Variants in RANBP17 observed in about 807,000 individuals in gnomAD.
RANBP17 encodes RAN binding protein 17.
A neutral mutation model predicts 141.2 loss-of-function variants in RANBP17; 158 were observed. The ratio of observed to expected loss-of-function variants is 1.12; its 90% CI spans 0.98 to 1.28. The LOEUF (loss-of-function observed/expected upper bound fraction) is 1.28, where lower values mean the gene tolerates loss of function less well. Among genes scored for constraint, RANBP17 ranks in the 50% most tolerant of loss-of-function variants. RANBP17 has a pLI of 0.00. For synonymous variants in RANBP17, 430 were observed against 450.0 expected (o/e 0.96, Z 0.56); for missense variants, 1,438 against 1,290.7 (o/e 1.11, Z -1.75).
chr5:171,053,673 T>G (rs1021312420), intron 14 of RANBP17, among the ~76,000 whole-genome samples: 2 of 151,412 alleles, frequency 1.3e-5, no homozygotes, highest in African/African-American at 4.8e-5. Flanking sequence ...AAAGAGGTAG[T>G]TTTGTTTTTT....
At chr5:171,137,970 T>TATATATAC (rs1554103891) in intron 14 of RANBP17, among the ~76,000 whole-genome samples, 1 of 148,216 alleles carries the variant, frequency 6.7e-6, no homozygotes, top group African/African-American at 2.5e-5. Flanking sequence ...TATATATATA[T>TATATATAC]ACACACACAC....
chr5:171,191,327 C>T (rs1400841336), intron 18 of RANBP17, among the ~76,000 whole-genome samples: 1 of 145,372 alleles, frequency 6.9e-6, no homozygotes, highest in Non-Finnish European at 1.5e-5. Context: ...CTTTCATAGG[C>T]ATTTATCCTT....
chr5:171,231,641 T>C (rs994698084), intron 22 of RANBP17, among the ~76,000 whole-genome samples: 2 of 152,208 alleles, frequency 1.3e-5, no homozygotes, highest in South Asian at 2.1e-4. Context: ...TGAAATTCCT[T>C]TCAACAAATA....
chr5:171,193,792 T>C (rs1761803839), intron 18 of RANBP17, among the ~76,000 whole-genome samples: 1 of 152,250 alleles, frequency 6.6e-6, no homozygotes, highest in African/African-American at 2.4e-5. Flanking sequence ...ACCCTTGTGA[T>C]TACATTGGAC....
chr5:170,880,470 G>A (rs1029139044), intron 2 of RANBP17, among the ~76,000 whole-genome samples: 22 of 152,194 alleles, frequency 1.4e-4, no homozygotes, highest in African/African-American at 3.1e-4. Context: ...ACTCATCATC[G>A]GTAAATGGCT....
chr5:170,871,230 G>A (rs1354025228), intron 1 of RANBP17, among the ~76,000 whole-genome samples: 4 of 152,046 alleles, frequency 2.6e-5, no homozygotes, highest in East Asian at 1.9e-4. Flanking sequence ...TGTATTTTTA[G>A]TAGAGACAGG....
chr5:171,257,324 G>GA (rs1235346491), intron 24 of RANBP17, among the ~76,000 whole-genome samples: 1 of 152,178 alleles, frequency 6.6e-6, no homozygotes, highest in Non-Finnish European at 1.5e-5. Flanking sequence ...ATCGTCATCT[G>GA]AATAGATGCA....
intron 12 of RANBP17, among the ~76,000 whole-genome samples, chr5:170,953,314 C>T (rs1342005361): frequency 5.9e-5 from 9 of 151,964 alleles, no homozygotes. Flanking sequence ...AAATGAAAAC[C>T]CTAAGACTTA....
intron 14 of RANBP17, among the ~76,000 whole-genome samples, chr5:171,047,770 A>AT (rs1782690644): frequency 6.6e-6 from 1 of 152,014 alleles, no homozygotes; most frequent in African/African-American, 2.4e-5. Context: ...TTATATATAG[A>AT]TTTTGACTAC....
At chr5:171,277,669 T>TATATATATA (rs1767604663) in intron 25 of RANBP17, among the ~76,000 whole-genome samples, 3 of 31,072 alleles carry the variant, frequency 9.7e-5, no homozygotes, top group East Asian at 1.3e-3. Context: ...ATATATATAT[T>TATATATATA]TATGTCTTAC....
intron 13 of RANBP17, among the ~76,000 whole-genome samples, chr5:170,957,258 C>G (rs1192359815): frequency 1.3e-5 from 2 of 151,600 alleles, no homozygotes; most frequent in African/African-American, 4.9e-5. Flanking sequence ...CCTGCATTCC[C>G]TGGAAAACAG....
intron 18 of RANBP17, among the ~76,000 whole-genome samples, chr5:171,195,435 G>T (rs1761919301): frequency 6.6e-6 from 1 of 152,184 alleles, no homozygotes. Flanking sequence ...CAGTTCTCCA[G>T]CTTTGGTGGC....
intron 14 of RANBP17, among the ~76,000 whole-genome samples, chr5:171,060,962 G>C (rs1375084895): frequency 1.7e-5 from 2 of 114,772 alleles, no homozygotes; most frequent in African/African-American, 3.1e-5. Context: ...GAGGTGTTTA[G>C]TATTCTCTGA....
intron 7 of RANBP17, 112 bp downstream of exon 7, chr5:170,911,246 A>C: frequency 1.1e-6 from 1 of 914,072 alleles, no homozygotes; most frequent in Non-Finnish European, 1.7e-6. Context: ...AATAGCTCAA[A>C]TGGATTTGTA....
chr5:171,078,223 C>T lies in RANBP17; in HGVS notation c.1711-91907C>T, dbSNP rs957119092. Among the ~76,000 whole-genome samples the T allele has an allele frequency of 7.3e-5, 11 of 151,564 alleles. No individual in the cohort carries two copies. In the South Asian group the frequency reaches 1.7e-3, roughly 23 times the overall value. ...ATCTGGTTCACTGCAACCTCTGCCT[C>T]CTGGGTTCAAGTGATTTTCGAGTCT... is the stretch of plus-strand genomic sequence containing the variant. On this transcript the variant is annotated intron_variant, in intron 14 of 27. Transcript: ENST00000523189.
chr5:171,258,151 AC>A (rs1766043011), intron 24 of RANBP17, among the ~76,000 whole-genome samples: 5 of 150,744 alleles, frequency 3.3e-5, no homozygotes, highest in Admixed American at 6.6e-5. Context: ...ACACACACAC[AC>A]ACACACACCC....
chr5:171,217,790 CTTT>C (rs1763304608), intron 21 of RANBP17, among the ~76,000 whole-genome samples: 1 of 151,356 alleles, frequency 6.6e-6, no homozygotes, highest in Non-Finnish European at 1.5e-5. Context: ...GATTCTTCTT[CTTT>C]ATTAGTCTAG....
intron 14 of RANBP17, among the ~76,000 whole-genome samples, chr5:171,114,884 C>CA (rs1275449224): frequency 6.6e-6 from 1 of 151,786 alleles, no homozygotes; most frequent in African/African-American, 2.4e-5. Flanking sequence ...GAAGCCAAGG[C>CA]AGGAGGATCA....
At chr5:171,171,104 T>C in intron 15 of RANBP17, 102 bp from the exon 16 acceptor site, 1 of 618,628 alleles carries the variant, frequency 1.6e-6, no homozygotes, top group East Asian at 2.9e-5. Flanking sequence ...AAAATATTTG[T>C]GATTTAGGTC....
Sources: gnomAD v4.1 joint callset for allele counts (sites outside exome capture counted in the v4.1 genomes callset) on GRCh38, gnomAD v4.1.1 for gene constraint, MANE v1.5 for transcripts, NCBI Gene and HGNC (gene_info 2026-07-23, HGNC 2026-07-21) for gene names.